Variants in CSPP1 observed in about 807,000 individuals in gnomAD.
CSPP1 encodes centrosome and spindle pole associated protein 1, also known as centrosome and spindle pole-associated protein 1.
Under a neutral mutation model 164.4 loss-of-function variants are expected in CSPP1, and 126 were observed. The observed-to-expected ratio is 0.77, with a 90% CI of 0.66 to 0.89. The LOEUF (loss-of-function observed/expected upper bound fraction) is 0.89, where lower values mean the gene tolerates loss of function less well. CSPP1 is among the 40% of genes least tolerant of loss of function. CSPP1 has a pLI of 0.00. For missense variants in CSPP1, 1,395 were observed against 1,449.8 expected (o/e 0.96, Z 0.61); for synonymous variants, 472 against 476.7 (o/e 0.99, Z 0.13).
intron 28 of CSPP1, 95 bp downstream of exon 28, chr8:67,180,021 AG>A: frequency 3.3e-6 from 2 of 597,956 alleles, no homozygotes; most frequent in Non-Finnish European, 2.8e-6. Flanking sequence ...TGTACAAGGT[AG>A]TAAAAAAAAA....
At chr8:67,129,651 T>C (rs547744869) in intron 15 of CSPP1, among the ~76,000 whole-genome samples, 1 of 152,336 alleles carries the variant, frequency 6.6e-6, no homozygotes, top group East Asian at 1.9e-4. Context: ...AAATGTGTTA[T>C]ATTCATGCGA....
At chr8:67,068,169 G>A (rs1308283826) in intron 1 of CSPP1, among the ~76,000 whole-genome samples, 1 of 152,052 alleles carries the variant, frequency 6.6e-6, no homozygotes, top group Non-Finnish European at 1.5e-5. Context: ...ATTTCTAAGT[G>A]TTAGGTTCTC....
chr8:67,129,001 G>A (rs781363615), intron 15 of CSPP1, among the ~76,000 whole-genome samples: 3 of 152,156 alleles, frequency 2.0e-5, no homozygotes, highest in Non-Finnish European at 4.4e-5. Context: ...GTTTAGGATA[G>A]TGTCTGAATA....
chr8:67,149,429 C>T lies in CSPP1; in HGVS notation c.1976-354C>T, dbSNP rs144385604. Among the ~76,000 whole-genome samples, 309 of 152,238 alleles carry T rather than the reference C, an allele frequency of 2.0e-3. 2 individuals carry two copies. Among genetic ancestry groups the T allele is most frequent in the African/African-American group, 7.1e-3 (293 of 41,550 alleles). On this transcript the variant is annotated intron_variant, in intron 17 of 30. Transcript: ENST00000678616. ...TTATGTGTTATTAGGAGACCGATGA[C>T]AGGTAAATTACACTATGAGTTGTTT...
rs1451228317 is a variant in CSPP1 at position 67,136,092 on chromosome 8, G to A, written c.1828-1364G>A. 2.6e-5 allele frequency among the ~76,000 whole-genome samples: 4 copies of A among 152,100 alleles called. No individual in the cohort carries two copies. The East Asian group carries it at 7.7e-4, about 29-fold the overall frequency. On this transcript the variant is annotated intron_variant, in intron 16 of 30. Coordinates refer to ENST00000678616, the MANE Select transcript of CSPP1 (RefSeq NM_001382391.1). Reference sequence around the variant, plus strand: ...ATGGCGCCCCAAAACAATTATAATAGTAACACTAAAGATCAGCAATCACAG... The same window carrying A: ...ATGGCGCCCCAAAACAATTATAATAATAACACTAAAGATCAGCAATCACAG...
chr8:67,085,535 T>C (rs1464882842), intron 3 of CSPP1, among the ~76,000 whole-genome samples: 1 of 152,102 alleles, frequency 6.6e-6, no homozygotes, highest in Non-Finnish European at 1.5e-5. Context: ...GGTATTTATT[T>C]TTATAGAAAT....
At chr8:67,086,738 A>G (rs1046835599) in intron 4 of CSPP1, 21 of 628,372 alleles carry the variant, frequency 3.3e-5, no homozygotes, top group Non-Finnish European at 5.6e-5. Flanking sequence ...CAAGTGTACA[A>G]ATGTCTCTTA....
intron 3 of CSPP1, among the ~76,000 whole-genome samples, chr8:67,079,095 G>A (rs768998651): frequency 5.9e-5 from 9 of 152,090 alleles, no homozygotes; most frequent in Non-Finnish European, 1.3e-4. Flanking sequence ...TCATTAATTG[G>A]TGTTACTTCG....
At chr8:67,119,744 T>C (rs1211697754) in intron 15 of CSPP1, among the ~76,000 whole-genome samples, 3 of 152,166 alleles carry the variant, frequency 2.0e-5, no homozygotes, top group African/African-American at 2.4e-5. Flanking sequence ...GGTTGTTTGT[T>C]TTTTGTTGTT....
chr8:67,073,376 G>A (rs569343244), intron 1 of CSPP1, among the ~76,000 whole-genome samples: 175 of 152,250 alleles, frequency 1.1e-3, no homozygotes, highest in Non-Finnish European at 1.9e-3. Context: ...CTAGATGAGG[G>A]ATGTTCTATT....
intron 8 of CSPP1, among the ~76,000 whole-genome samples, chr8:67,103,685 C>T (rs929684278): frequency 2.6e-5 from 4 of 151,142 alleles, no homozygotes; most frequent in South Asian, 2.1e-4. Context: ...ATTAGCCAGG[C>T]GTGGCAATCC....
intron 21 of CSPP1, among the ~76,000 whole-genome samples, chr8:67,159,852 T>TTTTCTTTCTTTCTTTC (rs71249421): frequency 5.3e-4 from 25 of 47,596 alleles, no homozygotes; most frequent in Admixed American, 1.5e-3. Context: ...CTTTCTTTCT[T>TTTTCTTTCTTTCTTTC]TTTCTTTCTT....
chr8:67,093,840 A>G (rs1812127036), intron 6 of CSPP1, among the ~76,000 whole-genome samples, 199 bp downstream of exon 6: 1 of 152,194 alleles, frequency 6.6e-6, no homozygotes, highest in South Asian at 2.1e-4. Context: ...AACTTTTAAC[A>G]TTTAATTGGG....
In CSPP1 at chr8:67,149,944, T is replaced by G. The variant is rs1563683221; in HGVS notation, c.2128+9T>G. 1 of 1,363,356 alleles carries G rather than the reference T, an allele frequency of 7.3e-7. No homozygotes were observed. The highest frequency in any genetic ancestry group is 9.7e-7 in the Non-Finnish European group (1 of 1,027,854). 84.5% of individuals were successfully genotyped at this position (1,363,356 alleles called of 1,614,324 possible). ...TGCAAATAAAAGCTCAGGTTTTTAA[T>G]CACTTTTTTTTTTTTTTTTTTTTTT... On this transcript the variant is annotated intron_variant, in intron 18 of 30. Coordinates refer to ENST00000678616, the MANE Select transcript of CSPP1 (RefSeq NM_001382391.1).
chr8:67,137,168 G>T (rs941200356), intron 16 of CSPP1, among the ~76,000 whole-genome samples: 1 of 151,944 alleles, frequency 6.6e-6, no homozygotes, highest in Non-Finnish European at 1.5e-5. Context: ...TTTTAGTAGA[G>T]ATGGGGTTTT....
chr8:67,131,875 A>C (rs1821302468), intron 15 of CSPP1, 76 bp from the exon 16 acceptor site: 1 of 1,323,092 alleles, frequency 7.6e-7, no homozygotes, highest in South Asian at 1.5e-5. Context: ...ATGCCATGCT[A>C]TTTCAAAAAA....
chr8:67,075,261 TAAG>T (rs1157543021), intron 2 of CSPP1, among the ~76,000 whole-genome samples: 1 of 152,188 alleles, frequency 6.6e-6, no homozygotes, highest in Non-Finnish European at 1.5e-5. Flanking sequence ...GTGTATGTAA[TAAG>T]ATACAGCATG....
intron 10 of CSPP1, among the ~76,000 whole-genome samples, chr8:67,112,511 C>G (rs1360262137): frequency 1.3e-5 from 2 of 152,082 alleles, no homozygotes; most frequent in African/African-American, 2.4e-5. Flanking sequence ...CCAACTGTCC[C>G]TCTTCATTTT....
intron 5 of CSPP1, among the ~76,000 whole-genome samples, chr8:67,092,611 T>C (rs1811852787): frequency 6.6e-6 from 1 of 151,982 alleles, no homozygotes; most frequent in Non-Finnish European, 1.5e-5. Flanking sequence ...GCCCCGCTAA[T>C]TTTTTGTGTT....
Sources: allele counts gnomAD v4.1 joint callset (sites outside exome capture counted in the v4.1 genomes callset), GRCh38; gene constraint gnomAD v4.1.1; transcripts MANE v1.5; gene names NCBI Gene and HGNC (gene_info 2026-07-23, HGNC 2026-07-21).